CDC45: variants seen among roughly 807,000 people sequenced by gnomAD.
CDC45 encodes the protein cell division control protein 45 homolog.
In CDC45, 54 loss-of-function variants were observed where a neutral mutation model predicts 77.8. The observed-to-expected ratio is 0.69, with a 90% CI of 0.56 to 0.87. CDC45 has a LOEUF of 0.87. Ranked by LOEUF, CDC45 falls within the 40% of genes least tolerant of loss-of-function variation. The pLI is 0.00. For synonymous variants in CDC45, 260 were observed against 272.1 expected (o/e 0.96, Z 0.44); for missense variants, 649 against 721.6 (o/e 0.90, Z 1.15).
chr22:19,504,487 C>T (rs576375526), intron 9 of CDC45, among the ~76,000 whole-genome samples: 11 of 152,182 alleles, frequency 7.2e-5, no homozygotes, highest in South Asian at 6.2e-4. Context: ...GTAATAGAGA[C>T]GGGGTTTCTT....
At chr22:19,519,040 G>A in intron 18 of CDC45, 131 bp downstream of exon 18, 1 of 725,564 alleles carries the variant, frequency 1.4e-6, no homozygotes, top group Non-Finnish European at 2.4e-6. Flanking sequence ...CTTGAGATTG[G>A]AGCCAACACA....
chr22:19,493,720 C>T (rs1484153839), intron 5 of CDC45, among the ~76,000 whole-genome samples: 4 of 152,176 alleles, frequency 2.6e-5, no homozygotes, highest in African/African-American at 7.2e-5. Context: ...GGATTACAGG[C>T]GTGAGCCACT....
intron 5 of CDC45, among the ~76,000 whole-genome samples, chr22:19,484,898 G>A (rs143670100): frequency 6.6e-6 from 1 of 151,770 alleles, no homozygotes; most frequent in African/African-American, 2.4e-5. Context: ...CTCTTGCCCA[G>A]CTCTTTGTTC....
chr22:19,517,017 G>C, intron 17 of CDC45, 124 bp downstream of exon 17: 1 of 788,574 alleles, frequency 1.3e-6, no homozygotes, highest in East Asian at 2.6e-5. Flanking sequence ...TGACCTTCCA[G>C]ATCTGGCCCT....
intron 9 of CDC45, among the ~76,000 whole-genome samples, chr22:19,499,731 C>T (rs527612063): frequency 2.0e-4 from 30 of 152,318 alleles, no homozygotes; most frequent in African/African-American, 6.0e-4. Context: ...TTGGCTTCTT[C>T]TTTCATCCCT....
chr22:19,485,313 G>C (rs1011756610), intron 5 of CDC45, among the ~76,000 whole-genome samples: 1 of 152,192 alleles, frequency 6.6e-6, no homozygotes, highest in South Asian at 2.1e-4. Context: ...AGGCCCTGGG[G>C]TGCGGGTATG....
chr22:19,487,411 G>A (rs1601929904), intron 5 of CDC45, among the ~76,000 whole-genome samples: 2 of 151,594 alleles, frequency 1.3e-5, no homozygotes, highest in East Asian at 3.9e-4. Context: ...ACATAGGCCC[G>A]GCTACTTGGG....
chr22:19,500,777 C>T (rs909305424), intron 9 of CDC45, among the ~76,000 whole-genome samples: 18 of 152,294 alleles, frequency 1.2e-4, no homozygotes, highest in African/African-American at 4.3e-4. Flanking sequence ...CATCTCCTTA[C>T]TTGGTGCCCT....
chr22:19,483,960 C>G lies in CDC45; in HGVS notation c.441C>G (p.Asp147Glu), dbSNP rs778459455. 75 of 1,613,596 alleles carry G rather than the reference C, an allele frequency of 4.6e-5. No individual in the cohort carries two copies. The highest frequency in any genetic ancestry group is 1.5e-4 in the Admixed American group (9 of 59,822). Residue 147 changes from aspartate to glutamate, a missense_variant, in exon 5 of 19, where the codon GAC becomes GAG. Physicochemically the swap from Asp to Glu is conservative, Grantham distance 45 (BLOSUM62 2). Coordinates refer to ENST00000263201, the MANE Select transcript of CDC45 (RefSeq NM_003504.5). ...AGGATGAAGAGCATTCAGGAAATGA[C>G]AGTGATGGGTCAGAGCCTTCTGAGA... is the stretch of plus-strand genomic sequence containing the variant. ...EEEDEEHSGNDSDGSEPSEKR... is the reference protein window; with the variant it reads ...EEEDEEHSGNESDGSEPSEKR...
chr22:19,489,088 A>G (rs1299945513), intron 5 of CDC45, among the ~76,000 whole-genome samples: 1 of 152,132 alleles, frequency 6.6e-6, no homozygotes, highest in African/African-American at 2.4e-5. Context: ...AGGTGGGAGA[A>G]TCACCTGAGC....
intron 4 of CDC45, among the ~76,000 whole-genome samples, chr22:19,483,464 G>A (rs1012821514): frequency 6.6e-6 from 1 of 152,172 alleles, no homozygotes; most frequent in African/African-American, 2.4e-5. Flanking sequence ...TCAGCCTGGA[G>A]TTGCTTTCAG....
intron 9 of CDC45, among the ~76,000 whole-genome samples, chr22:19,504,346 C>G (rs1933033211): frequency 6.6e-6 from 1 of 152,214 alleles, no homozygotes; most frequent in Admixed American, 6.5e-5. Context: ...GTTGCCCAGG[C>G]TGCAGTGCAA....
chr22:19,503,112 A>G (rs1932963971), intron 9 of CDC45, among the ~76,000 whole-genome samples: 1 of 152,156 alleles, frequency 6.6e-6, no homozygotes, highest in Non-Finnish European at 1.5e-5. Flanking sequence ...AGCTTCAGTG[A>G]GCTATGATTG....
chr22:19,489,678 G>A (rs779616683), intron 5 of CDC45, among the ~76,000 whole-genome samples: 5 of 152,044 alleles, frequency 3.3e-5, no homozygotes, highest in Non-Finnish European at 7.4e-5. Flanking sequence ...TTATTTCTGC[G>A]TGCTAGCCAT....
In CDC45 at chr22:19,494,379, G is replaced by C. The variant is rs200414830; in HGVS notation, c.539G>C (p.Arg180Pro). The change falls in exon 6 of 19, where the codon CGG becomes CCG. Residue 180 changes from arginine (R) to proline (P), a missense_variant. Coordinates refer to ENST00000263201, the MANE Select transcript of CDC45 (RefSeq NM_003504.5). ...RRRQRREWEARRRDILFDYEQ... is the reference protein window; with the variant it reads ...RRRQRREWEAPRRDILFDYEQ... The stretch of plus-strand genomic sequence containing the variant: ...AGGCAGCGGCGAGAGTGGGAGGCCC[G>C]GAGGTGAGTCTGTGCTTCCAGCTGC... 1.9e-6 allele frequency: 3 copies of C among 1,613,406 alleles called. No homozygotes were observed. In the African/African-American group the frequency reaches 4.0e-5, roughly 22 times the overall value.
At chr22:19,497,253 T>G (rs2090258917) in intron 7 of CDC45, 133 bp from the exon 8 acceptor site, 2 of 740,242 alleles carry the variant, frequency 2.7e-6, no homozygotes, top group Middle Eastern at 3.2e-4. Flanking sequence ...TCCACCCACA[T>G]GCCCTGGCCA....
chr22:19,514,359 T>A (rs1417262159), intron 13 of CDC45, among the ~76,000 whole-genome samples: 1 of 152,190 alleles, frequency 6.6e-6, no homozygotes, highest in Admixed American at 6.5e-5. Flanking sequence ...ACATTTCATA[T>A]ACTCAGAGGG....
At chr22:19,493,693 C>T (rs1170061243) in intron 5 of CDC45, among the ~76,000 whole-genome samples, 8 of 152,202 alleles carry the variant, frequency 5.3e-5, no homozygotes, top group Non-Finnish European at 1.0e-4. Context: ...ATCCGCCCGC[C>T]TGTCTCCAAA....
In CDC45 at chr22:19,507,458, G is replaced by C. The variant is rs1249245314; in HGVS notation, c.897G>C (p.Arg299Ser). ...GCAACACCAGCTATACCGCAGCCAG[G>C]TTCAAGCTGTGGTCTGTGCATGGAC... ...SLCNTSYTAA[R>S]FKLWSVHGQK... Residue 299 changes from arginine to serine, a missense_variant, in exon 11 of 19, where the codon AGG (arginine) becomes AGC (serine). Physicochemically the swap from Arg to Ser is moderately radical, Grantham distance 110. Transcript: ENST00000263201. 6.2e-7 allele frequency: 1 copy of C among 1,614,054 alleles called. No homozygotes were observed. Among genetic ancestry groups the C allele is most frequent in the Non-Finnish European group, 8.5e-7 (1 of 1,180,044 alleles).
Sources: gnomAD v4.1 joint callset for allele counts (sites outside exome capture counted in the v4.1 genomes callset) on GRCh38, gnomAD v4.1.1 for gene constraint, MANE v1.5 for transcripts, NCBI Gene and HGNC (gene_info 2026-07-23, HGNC 2026-07-21) for gene names.